Variants in TRPM3 observed in about 807,000 individuals in gnomAD.
TRPM3 encodes transient receptor potential cation channel subfamily M member 3.
In TRPM3, 77 loss-of-function variants were observed where a neutral mutation model predicts 181.2. The observed-to-expected ratio is 0.42, with a 90% CI of 0.35 to 0.51. The LOEUF (loss-of-function observed/expected upper bound fraction) is 0.51. TRPM3 is among the 20% of genes least tolerant of loss of function. TRPM3 has a pLI of 0.01. For missense variants in TRPM3, 1,759 were observed against 2,196.7 expected (o/e 0.80, Z 3.98); for synonymous variants, 745 against 796.4 (o/e 0.94, Z 1.09).
At chr9:70,993,784 CAAAAAAA>C (rs745913831) in intron 1 of TRPM3, among the ~76,000 whole-genome samples, 2 of 66,752 alleles carry the variant, frequency 3.0e-5, no homozygotes, top group Non-Finnish European at 5.6e-5. Flanking sequence ...GATTCCATCT[CAAAAAAA>C]AAAAAAAAAA....
At chr9:70,621,619 GC>G (rs1363190145) in intron 14 of TRPM3, among the ~76,000 whole-genome samples, 2 of 152,156 alleles carry the variant, frequency 1.3e-5, no homozygotes, top group African/African-American at 2.4e-5. Flanking sequence ...TCCCACCTCA[GC>G]CTCCCAAAGT....
intron 8 of TRPM3, among the ~76,000 whole-genome samples, chr9:70,701,134 A>G (rs2072407072): frequency 6.6e-6 from 1 of 152,248 alleles, no homozygotes; most frequent in Non-Finnish European, 1.5e-5. Context: ...CATTAATGCC[A>G]AATAAAAACA....
intron 1 of TRPM3, among the ~76,000 whole-genome samples, chr9:71,060,124 A>G (rs1299357085): frequency 6.6e-6 from 1 of 152,116 alleles, no homozygotes; most frequent in Non-Finnish European, 1.5e-5. Context: ...TATAGCAGGC[A>G]TATCTGGGAT....
At chr9:71,248,225 A>G (rs1565382289) in intron 1 of TRPM3, among the ~76,000 whole-genome samples, 2 of 152,214 alleles carry the variant, frequency 1.3e-5, no homozygotes, top group Non-Finnish European at 2.9e-5. Context: ...AGTAAACTGA[A>G]TAGTCTAAGC....
chr9:71,311,465 A>G (rs2087924216), intron 1 of TRPM3, among the ~76,000 whole-genome samples: 1 of 152,204 alleles, frequency 6.6e-6, no homozygotes, highest in South Asian at 2.1e-4. Context: ...ACACATCAAT[A>G]TAGTCAGCTG....
chr9:70,940,248 CTT>C (rs1347504977), intron 1 of TRPM3, among the ~76,000 whole-genome samples: 1 of 152,214 alleles, frequency 6.6e-6, no homozygotes, highest in East Asian at 1.9e-4. Flanking sequence ...GAGAAGGAAA[CTT>C]AACACAAAAA....
chr9:71,384,864 G>A (rs1424170352), intron 1 of TRPM3, among the ~76,000 whole-genome samples: 1 of 152,092 alleles, frequency 6.6e-6, no homozygotes, highest in East Asian at 1.9e-4. Flanking sequence ...TACTTCTAAT[G>A]TCATTTTTAA....
intron 14 of TRPM3, among the ~76,000 whole-genome samples, chr9:70,622,844 T>A (rs888487671): frequency 1.2e-4 from 18 of 152,290 alleles, no homozygotes; most frequent in African/African-American, 4.1e-4. Flanking sequence ...ACCGAATCTC[T>A]CTCTCTCTCA....
Position 70,607,835 on chromosome 9 carries a change from T to C in TRPM3, c.2667+2774A>G, listed in dbSNP as rs1425624794. Among the ~76,000 whole-genome samples, 18 of 152,202 alleles carry C rather than the reference T, an allele frequency of 1.2e-4. 1 individual carries two copies. The highest frequency in any genetic ancestry group is 1.2e-3 in the Admixed American group (18 of 15,284). On this transcript the variant is annotated intron_variant, in intron 19 of 25. Coordinates refer to ENST00000677713, the MANE Select transcript of TRPM3 (RefSeq NM_001366145.2). ...CTGCAAATGGCCAACTGGTTAACTT[T>C]TAAGGCTTTGTAGAACCGATAGTCT...
At chr9:70,987,649 T>C (rs1320401812) in intron 1 of TRPM3, among the ~76,000 whole-genome samples, 2 of 152,110 alleles carry the variant, frequency 1.3e-5, no homozygotes, top group East Asian at 3.9e-4. Flanking sequence ...TTTTTATCAT[T>C]CTGAGAATAT....
chr9:71,374,111 C>T (rs781666271), intron 1 of TRPM3, among the ~76,000 whole-genome samples: 2 of 152,194 alleles, frequency 1.3e-5, no homozygotes, highest in African/African-American at 2.4e-5. Flanking sequence ...CACAGTGGTT[C>T]ACACCTGTAA....
At position 71,303,495 on chromosome 9, in the gene TRPM3, CAG is replaced by C. The variant is rs1482012044; in HGVS notation, c.183+143156_183+143157del. On this transcript the variant is annotated intron_variant, in intron 1 of 24. Coordinates refer to the TRPM3 transcript ENST00000357533. ...GAGTATTAGAGAAATGGCAATAAGT[CAG>C]AGTGACTAAGGTAAAATACATGCGT... is the stretch of plus-strand genomic sequence containing the variant. Among the ~76,000 whole-genome samples the C allele has an allele frequency of 5.9e-5, 9 of 152,258 alleles. No individual in the cohort carries two copies. The East Asian group carries it at 1.4e-3, about 23-fold the overall frequency.
chr9:71,000,485 A>G (rs1212261676), intron 1 of TRPM3, among the ~76,000 whole-genome samples: 1 of 152,242 alleles, frequency 6.6e-6, no homozygotes, highest in Non-Finnish European at 1.5e-5. Flanking sequence ...GTGTTAACGT[A>G]TATATAAACA....
intron 1 of TRPM3, among the ~76,000 whole-genome samples, chr9:71,016,692 T>C (rs2097788022): frequency 6.6e-6 from 1 of 152,216 alleles, no homozygotes. Flanking sequence ...TTCCATCTTT[T>C]GGCTATTGTG....
At chr9:70,900,565 A>G (rs2096370366) in intron 1 of TRPM3, among the ~76,000 whole-genome samples, 1 of 152,234 alleles carries the variant, frequency 6.6e-6, no homozygotes, top group Non-Finnish European at 1.5e-5. Flanking sequence ...GTTATAGCAC[A>G]AAACTAGACA....
intron 22 of TRPM3, among the ~76,000 whole-genome samples, chr9:70,578,619 G>A (rs1023702591): frequency 7.2e-5 from 11 of 152,230 alleles, no homozygotes; most frequent in African/African-American, 2.7e-4. Context: ...AGAGGGAGAT[G>A]TCGTGAAACC....
chr9:71,175,512 T>A (rs754649324), intron 1 of TRPM3, among the ~76,000 whole-genome samples: 3 of 152,184 alleles, frequency 2.0e-5, no homozygotes, highest in Non-Finnish European at 2.9e-5. Context: ...CACAGAGTGA[T>A]GTCAATGTGA....
chr9:71,331,510 A>G (rs2090109217), intron 1 of TRPM3, among the ~76,000 whole-genome samples: 1 of 151,762 alleles, frequency 6.6e-6, no homozygotes, highest in Non-Finnish European at 1.5e-5. Flanking sequence ...TAATTATTCT[A>G]TATTCTACAT....
chr9:70,796,999 A>G (rs1192476663), intron 6 of TRPM3, among the ~76,000 whole-genome samples: 1 of 152,116 alleles, frequency 6.6e-6, no homozygotes. Flanking sequence ...GCATGGTGGT[A>G]TATACCTTTA....
Sources: allele counts gnomAD v4.1 joint callset (sites outside exome capture counted in the v4.1 genomes callset), GRCh38; gene constraint gnomAD v4.1.1; transcripts MANE v1.5; gene names NCBI Gene and HGNC (gene_info 2026-07-23, HGNC 2026-07-21).